HECW1: variants seen among roughly 807,000 people sequenced by gnomAD.
HECW1 encodes E3 ubiquitin-protein ligase HECW1.
Under a neutral mutation model 182.3 loss-of-function variants are expected in HECW1, and 61 were observed. The observed-to-expected ratio is 0.33, with a 90% confidence interval of 0.27 to 0.41. The LOEUF is 0.41. HECW1 is among the 10% of genes least tolerant of loss of function. HECW1 has a pLI of 1.00. For missense variants in HECW1, 1,739 were observed against 2,108.9 expected, an observed-to-expected ratio of 0.82 and a Z score of 3.44; for synonymous variants, 859 against 832.6, an observed-to-expected ratio of 1.03 and a Z score of -0.55.
chr7:43,479,843 C>A, intron 17 of HECW1, 99 bp downstream of exon 17: 1 of 1,443,176 alleles, frequency 6.9e-7, no homozygotes, highest in Admixed American at 1.9e-5. Context: ...TCTAGGGTTG[C>A]CTGCGCTGGA....
At position 43,468,259 on chromosome 7, in the gene HECW1, C is replaced by T. The variant is rs368302069; in HGVS notation, c.2914-661C>T. Among the ~76,000 whole-genome samples, 69 of 152,254 alleles carry T rather than the reference C, an allele frequency of 4.5e-4. 1 individual carries two copies. The South Asian group carries it at 0.012, about 26-fold the overall frequency. On this transcript the variant is annotated intron_variant, in intron 15 of 29. Coordinates refer to ENST00000395891, the MANE Select transcript of HECW1 (RefSeq NM_015052.5). Reference sequence around the variant, plus strand: ...GTCCAGCCTTCAATCCCCAGAGGCCCTAAATTAATGCTCCCCATTTTAGAC... The same window carrying T: ...GTCCAGCCTTCAATCCCCAGAGGCCTTAAATTAATGCTCCCCATTTTAGAC...
chr7:43,375,547 C>T (rs958308383), intron 6 of HECW1, among the ~76,000 whole-genome samples: 1 of 151,944 alleles, frequency 6.6e-6, no homozygotes, highest in South Asian at 2.1e-4. Context: ...TGGCTTATTG[C>T]ACCAATTAGC....
chr7:43,175,532 G>T (rs1343703779), intron 2 of HECW1, among the ~76,000 whole-genome samples: 1 of 152,160 alleles, frequency 6.6e-6, no homozygotes, highest in Non-Finnish European at 1.5e-5. Context: ...GAACATCAGT[G>T]CTGACCGAGT....
In HECW1 at chr7:43,345,811, C is replaced by T. The variant is rs1452036184; in HGVS notation, c.461-15075C>T. Among the ~76,000 whole-genome samples the T allele has an allele frequency of 5.1e-3, 764 of 151,216 alleles. 3 individuals are homozygous for T. The highest frequency in any genetic ancestry group is 0.017 in the African/African-American group (707 of 41,096). On this transcript the variant is annotated intron_variant, in intron 5 of 29. Transcript: ENST00000395891. The stretch of plus-strand genomic sequence containing the variant: ...TCCATCATATATATACACACACACA[C>T]ACACACACACACACACATCATATAT...
chr7:43,397,016 G>A, intron 7 of HECW1, 127 bp downstream of exon 7: 1 of 713,292 alleles, frequency 1.4e-6, no homozygotes. Flanking sequence ...TTCTCAATCT[G>A]TAAAGCAAAA....
intron 8 of HECW1, among the ~76,000 whole-genome samples, chr7:43,437,701 A>C (rs1220182301): frequency 6.6e-6 from 1 of 152,200 alleles, no homozygotes; most frequent in Non-Finnish European, 1.5e-5. Context: ...GTTCTTTCTT[A>C]AAGTATGATA....
In HECW1 at chr7:43,313,910, C is replaced by G. The variant is rs111923020; in HGVS notation, c.352+1823C>G. Among the ~76,000 whole-genome samples the G allele has an allele frequency of 1.6e-3, 236 of 152,240 alleles. 3 individuals are homozygous for G. Among genetic ancestry groups the G allele is most frequent in the African/African-American group, 5.3e-3 (221 of 41,526 alleles). ...AGTGTCTTTTGTTTAGCACTTGAGG[C>G]AATTAGGTTTAGGCTCCGAATCTAG... On this transcript the variant is annotated intron_variant, in intron 4 of 29. Transcript: ENST00000395891.
chr7:43,460,455 G>A (rs1395488361), intron 13 of HECW1, among the ~76,000 whole-genome samples: 1 of 152,026 alleles, frequency 6.6e-6, no homozygotes, highest in South Asian at 2.1e-4. Flanking sequence ...AAGGGGGGAG[G>A]TTGTGTAGTT....
intron 5 of HECW1, among the ~76,000 whole-genome samples, chr7:43,330,983 A>AT (rs1554361455): frequency 7.3e-5 from 11 of 151,528 alleles, no homozygotes; most frequent in Non-Finnish European, 1.0e-4. Flanking sequence ...TTATTTATTT[A>AT]TTTATTTTAT....
In HECW1 at chr7:43,243,751, G is replaced by A. The variant is rs555700014; in HGVS notation, c.-31-124G>A. 29 of 744,830 alleles carry A rather than the reference G, an allele frequency of 3.9e-5. No individual in the cohort carries two copies. The East Asian group carries it at 4.8e-4, about 12-fold the overall frequency. 46.1% of individuals were successfully genotyped at this position (744,830 alleles called of 1,614,324 possible). Reference sequence around the variant, plus strand: ...CCTTGTGTGATTTTTCCTTTTGCACGTCGGTTGCCCAGGCCAGGTATCTTG... The same window carrying A: ...CCTTGTGTGATTTTTCCTTTTGCACATCGGTTGCCCAGGCCAGGTATCTTG... On this transcript the variant is annotated intron_variant, in intron 2 of 29. Coordinates refer to ENST00000395891, the MANE Select transcript of HECW1 (RefSeq NM_015052.5). The surrounding 1 kb of genome is among the most constrained non-coding windows in gnomAD (Gnocchi z 4.0).
At chr7:43,425,293 A>AGAT (rs1365532560) in intron 8 of HECW1, among the ~76,000 whole-genome samples, 9 of 124,640 alleles carry the variant, frequency 7.2e-5, no homozygotes, top group African/African-American at 2.5e-4. Flanking sequence ...CTAGGTAGAT[A>AGAT]GATAGATAGA....
intron 2 of HECW1, among the ~76,000 whole-genome samples, chr7:43,129,190 C>T (rs1436148835): frequency 6.6e-6 from 1 of 152,202 alleles, no homozygotes; most frequent in Non-Finnish European, 1.5e-5. Flanking sequence ...TGCTATCAAA[C>T]AGCATCACAT....
intron 2 of HECW1, among the ~76,000 whole-genome samples, chr7:43,221,568 T>G (rs867813432): frequency 0.011 from 683 of 60,948 alleles, 41 homozygotes; most frequent in African/African-American, 0.049. Context: ...TTTTTTTTTT[T>G]TTTTTTTTTT....
chr7:43,417,037 CA>C (rs1236789380), intron 8 of HECW1, among the ~76,000 whole-genome samples: 1 of 152,168 alleles, frequency 6.6e-6, no homozygotes, highest in Non-Finnish European at 1.5e-5. Context: ...CCTATTCGGC[CA>C]TCTTGGCTCC....
At chr7:43,325,825 G>C (rs1810696835) in intron 5 of HECW1, among the ~76,000 whole-genome samples, 1 of 152,110 alleles carries the variant, frequency 6.6e-6, no homozygotes, top group African/African-American at 2.4e-5. Flanking sequence ...TGGAAACCTG[G>C]CTGGATGCAC....
At chr7:43,339,340 C>T (rs541201218) in intron 5 of HECW1, among the ~76,000 whole-genome samples, 4 of 152,228 alleles carry the variant, frequency 2.6e-5, no homozygotes, top group Non-Finnish European at 5.9e-5. Flanking sequence ...TATTTTCAGT[C>T]GACCTATCTC....
chr7:43,321,699 G>C (rs767363293), intron 5 of HECW1, among the ~76,000 whole-genome samples: 1 of 152,220 alleles, frequency 6.6e-6, no homozygotes, highest in Non-Finnish European at 1.5e-5. Context: ...GCATGGCTAG[G>C]AATCTGAAGT....
rs2077780055 is a variant in HECW1 at position 43,466,380 on chromosome 7, G to A, written c.2792-67G>A. ...GGCTTGTGTGCTGCCACTGTCAGGA[G>A]CGAAGTACAGAGGTTGAAATGCCTT... On this transcript the variant is annotated intron_variant, in intron 14 of 29. Transcript: ENST00000395891. The A allele has an allele frequency of 5.8e-6, 9 of 1,543,846 alleles. No individual in the cohort carries two copies. The South Asian group carries it at 1.1e-4, about 18-fold the overall frequency.
In HECW1 at chr7:43,302,957, A is replaced by G. The variant is rs9719061; in HGVS notation, c.28-8806A>G. 2.7e-4 allele frequency among the ~76,000 whole-genome samples: 29 copies of G among 106,076 alleles called. No homozygotes were observed. The East Asian group carries it at 2.9e-3, about 11-fold the overall frequency. 69.6% of individuals were successfully genotyped at this position (106,076 alleles called of 152,430 possible). A position where few individuals can be genotyped will look rare whatever the true frequency, so the allele number is the denominator to read the frequency against. ...CACACGTGCACACACACATGCGCGC[A>G]CACACACACACAGGAATACCAGTTC... On this transcript the variant is annotated intron_variant, in intron 3 of 29. Coordinates refer to ENST00000395891, the MANE Select transcript of HECW1 (RefSeq NM_015052.5).
Sources: gnomAD v4.1 joint callset for allele counts (sites outside exome capture counted in the v4.1 genomes callset) on GRCh38, gnomAD v4.1.1 for gene constraint, Gnocchi (gnomAD v3.1) non-coding constraint, MANE v1.5 for transcripts, NCBI Gene and HGNC (gene_info 2026-07-23, HGNC 2026-07-21) for gene names.